YIF1B: variants seen among roughly 807,000 people sequenced by gnomAD.
YIF1B encodes the protein protein YIF1B.
In YIF1B, 24 loss-of-function variants were observed where a neutral mutation model predicts 34.6. The observed-to-expected ratio is 0.69, with a 90% CI of 0.50 to 0.98. The LOEUF (loss-of-function observed/expected upper bound fraction) is 0.98. Among genes scored for constraint, YIF1B ranks in the 50% least tolerant of loss-of-function variants. The probability of loss-of-function intolerance (pLI) is 0.00; values close to 1 mark genes in which losing one functional copy is unlikely to be tolerated. For missense variants in YIF1B, 368 were observed against 429.4 expected (o/e 0.86, Z 1.26); for synonymous variants, 186 against 184.8 (o/e 1.01, Z -0.05).
chr19:38,309,794 A>C, intron 1 of YIF1B, 151 bp from the exon 2 acceptor site: 1 of 1,436,542 alleles, frequency 7.0e-7, no homozygotes, highest in Non-Finnish European at 9.1e-7. Context: ...ATGGACTGGC[A>C]GGTGCAAGCT....
Position 38,305,198 on chromosome 19 carries a change from C to A in YIF1B, c.*154G>T. 7.2e-7 allele frequency: 1 copy of A among 1,383,208 alleles called. No individual in the cohort carries two copies. Among genetic ancestry groups the A allele is most frequent in the Admixed American group, 2.7e-5 (1 of 36,870 alleles). 85.7% of individuals were successfully genotyped at this position (1,383,208 alleles called of 1,614,324 possible). A position where few individuals can be genotyped will look rare whatever the true frequency, so the allele number is the denominator to read the frequency against. On this transcript the variant is annotated 3_prime_UTR_variant, in exon 8 of 8. Transcript: ENST00000339413. ...TGTGCAGCTGGAGATCTCTCAGCACCTTGGGTTGGGGGCGGGGCTGGGCGG... is the reference window on the plus strand; with the variant it reads ...TGTGCAGCTGGAGATCTCTCAGCACATTGGGTTGGGGGCGGGGCTGGGCGG...
chr19:38,316,603 G>A (rs1243292157), upstream of YIF1B, among the ~76,000 whole-genome samples: 2 of 152,226 alleles, frequency 1.3e-5, no homozygotes, highest in Non-Finnish European at 1.5e-5. Context: ...AGGCTGTGGA[G>A]CAAGGAAAAG....
At chr19:38,314,000 GGCC>G (rs1222599295) in intron 1 of YIF1B, among the ~76,000 whole-genome samples, 1 of 152,084 alleles carries the variant, frequency 6.6e-6, no homozygotes, top group East Asian at 1.9e-4. Flanking sequence ...ACTTGGCACA[GGCC>G]TCCAATGCCT....
intron 5 of YIF1B, 82 bp downstream of exon 5, chr19:38,308,710 A>G: frequency 2.6e-6 from 4 of 1,563,574 alleles, no homozygotes; most frequent in Non-Finnish European, 3.5e-6. Flanking sequence ...AGGGGAACTG[A>G]GACCTTGGAA....
upstream of YIF1B, among the ~76,000 whole-genome samples, chr19:38,319,393 G>C (rs1357406047): frequency 2.6e-5 from 4 of 152,128 alleles, no homozygotes; most frequent in African/African-American, 9.7e-5. Flanking sequence ...AGTAGCTGAG[G>C]ATCCCCACTC....
chr19:38,319,378 T>C (rs1969618567), upstream of YIF1B, among the ~76,000 whole-genome samples: 1 of 152,112 alleles, frequency 6.6e-6, no homozygotes, highest in Non-Finnish European at 1.5e-5. Flanking sequence ...AACAAAGCTT[T>C]GGTGAGTAGC....
chr19:38,306,467 T>A (rs973719065), intron 7 of YIF1B, among the ~76,000 whole-genome samples: 1 of 152,080 alleles, frequency 6.6e-6, no homozygotes, highest in Non-Finnish European at 1.5e-5. Flanking sequence ...TGCCTCAGCC[T>A]GCCAAAGTGC....
chr19:38,305,204 T>G lies in YIF1B; in HGVS notation c.*148A>C. ...GCTGGAGATCTCTCAGCACCTTGGG[T>G]TGGGGGCGGGGCTGGGCGGGACATG... On this transcript the variant is annotated 3_prime_UTR_variant, in exon 8 of 8. Coordinates refer to ENST00000339413, the MANE Select transcript of YIF1B (RefSeq NM_001039672.3). 1.4e-6 allele frequency: 2 copies of G among 1,407,906 alleles called. No homozygotes were observed. The allele number at this position is 1,407,906 out of a possible 1,614,324, so 87.2% of individuals were successfully genotyped here. A position where few individuals can be genotyped will look rare whatever the true frequency, so the allele number is the denominator to read the frequency against.
chr19:38,320,640 C>G (rs1034313917), upstream of YIF1B, among the ~76,000 whole-genome samples: 2 of 151,996 alleles, frequency 1.3e-5, no homozygotes, highest in Non-Finnish European at 2.9e-5. Context: ...ATCACGGCAG[C>G]CTCCGCCTCC....
At chr19:38,310,161 C>T (rs1020338283) in intron 1 of YIF1B, among the ~76,000 whole-genome samples, 3 of 150,898 alleles carry the variant, frequency 2.0e-5, no homozygotes, top group African/African-American at 7.3e-5. Flanking sequence ...CCCACCCACC[C>T]ATCAATCCAT....
At position 38,304,784 on chromosome 19, in the gene YIF1B, C is replaced by T; in HGVS notation, c.*568G>A. 6.2e-7 allele frequency: 1 copy of T among 1,612,680 alleles called. No homozygotes were observed. The highest frequency in any genetic ancestry group is 1.7e-5 in the Admixed American group (1 of 60,012). The stretch of plus-strand genomic sequence containing the variant: ...CGGGGAGGGTGCGGGGAGTGGTCCC[C>T]CTGTCTCGCTTCCAGCCCAGAACCA... On this transcript the variant is annotated 3_prime_UTR_variant, in exon 8 of 8. Coordinates refer to ENST00000339413, the MANE Select transcript of YIF1B (RefSeq NM_001039672.3).
rs181680896 is a variant in YIF1B, at chr19:38,311,221, A to T, written c.59-1578T>A. ...AGGATCGCTTCAGCCTGGGAGACAA[A>T]GGTTGCAGTGAGCCGAGACTGCACC... On this transcript the variant is annotated intron_variant, in intron 1 of 7. Transcript: ENST00000339413. Among the ~76,000 whole-genome samples, 160 of 152,014 alleles carry T rather than the reference A, an allele frequency of 1.1e-3. 2 individuals are homozygous for T. In the South Asian group the frequency reaches 0.029, roughly 28 times the overall value.
chr19:38,319,736 C>G, upstream of YIF1B: 1 of 515,792 alleles, frequency 1.9e-6, no homozygotes, highest in Non-Finnish European at 3.3e-6. Context: ...TCCACCCTCT[C>G]CGAACGAACA....
chr19:38,314,192 A>ATTT (rs544115864), intron 1 of YIF1B, among the ~76,000 whole-genome samples: 1 of 127,262 alleles, frequency 7.9e-6, no homozygotes, highest in Non-Finnish European at 1.6e-5. Context: ...CGCCCGGCTA[A>ATTT]TTTTTTTTTT....
At chr19:38,312,027 G>A (rs893547231) in intron 1 of YIF1B, among the ~76,000 whole-genome samples, 2 of 151,928 alleles carry the variant, frequency 1.3e-5, no homozygotes, top group South Asian at 2.1e-4. Flanking sequence ...AACCGGGACC[G>A]GGGAGGTGGA....
chr19:38,318,175 A>G (rs530342399), upstream of YIF1B, among the ~76,000 whole-genome samples: 14 of 133,032 alleles, frequency 1.1e-4, no homozygotes, highest in South Asian at 8.3e-4. Context: ...CCTGGGAGAC[A>G]GAGCGAGACT....
At chr19:38,307,259 C>A in intron 7 of YIF1B, 169 bp downstream of exon 7, 1 of 675,580 alleles carries the variant, frequency 1.5e-6, no homozygotes, top group Non-Finnish European at 2.6e-6. Flanking sequence ...AGGATACCCC[C>A]TCTTCCAGGA....
chr19:38,319,906 A>G, upstream of YIF1B: 1 of 1,367,272 alleles, frequency 7.3e-7, no homozygotes, highest in Non-Finnish European at 9.4e-7. Context: ...GGCGGGGGCC[A>G]CGTCAGCGGG....
intron 7 of YIF1B, chr19:38,306,906 C>G (rs1969071444): frequency 2.2e-6 from 1 of 460,836 alleles, no homozygotes; most frequent in Admixed American, 2.5e-5. Context: ...TGGTCTTGAT[C>G]TCCTGACCTC....
Sources: gnomAD v4.1 joint callset for allele counts (sites outside exome capture counted in the v4.1 genomes callset) on GRCh38, gnomAD v4.1.1 for gene constraint, MANE v1.5 for transcripts, NCBI Gene and HGNC (gene_info 2026-07-23, HGNC 2026-07-21) for gene names.